The following TDG variants were observed in gnomAD, a reference collection of about 807,000 sequenced individuals.
TDG encodes the protein G/T mismatch-specific thymine DNA glycosylase.
TDG carries 23 observed loss-of-function variants against 46.1 expected under a neutral mutation model. The ratio of observed to expected loss-of-function variants is 0.50; its 90% CI spans 0.36 to 0.71. TDG has a LOEUF of 0.71. Ranked by LOEUF, TDG falls within the 30% of genes least tolerant of loss-of-function variation. TDG has a pLI of 0.00. For synonymous variants in TDG, 115 were observed against 161.3 expected (o/e 0.71, Z 2.18); for missense variants, 304 against 486.7 (o/e 0.62, Z 3.53).
At chr12:103,972,937 C>T (rs961225310) in intron 1 of TDG, 9 of 696,294 alleles carry the variant, frequency 1.3e-5, no homozygotes, top group Non-Finnish European at 2.1e-5. Context: ...TGAACGGTGT[C>T]TCCCTAATTT....
chr12:103,969,995 A>G (rs1395420775), intron 1 of TDG, among the ~76,000 whole-genome samples: 2 of 152,230 alleles, frequency 1.3e-5, no homozygotes, highest in Non-Finnish European at 2.9e-5. Context: ...GACTGTACAT[A>G]TGGTGAATAC....
intron 1 of TDG, chr12:103,967,799 T>C (rs1187323146): frequency 1.3e-5 from 2 of 149,134 alleles, no homozygotes; most frequent in Admixed American, 1.3e-4. Context: ...AAGAAGAAAA[T>C]TCAAATTCCA....
intron 1 of TDG, among the ~76,000 whole-genome samples, chr12:103,972,223 A>G (rs1440177634): frequency 6.6e-6 from 1 of 152,010 alleles, no homozygotes; most frequent in Non-Finnish European, 1.5e-5. Context: ...AGTTCAAGCA[A>G]TTCTCCTGCC....
intron 1 of TDG, chr12:103,973,130 G>C (rs1871358236): frequency 3.6e-6 from 2 of 554,650 alleles, no homozygotes; most frequent in Non-Finnish European, 6.4e-6. Context: ...TGTTGTCCAG[G>C]CTGGAGTGCA....
intron 1 of TDG, among the ~76,000 whole-genome samples, chr12:103,972,421 A>T (rs1180578731): frequency 6.6e-6 from 1 of 152,082 alleles, no homozygotes; most frequent in Non-Finnish European, 1.5e-5. Context: ...CCGGCCAGTT[A>T]TCCAGAACTG....
At chr12:103,974,843 G>A (rs1003082244) in intron 1 of TDG, among the ~76,000 whole-genome samples, 6 of 151,546 alleles carry the variant, frequency 4.0e-5, no homozygotes, top group African/African-American at 1.5e-4. Context: ...TGTGGTGGTG[G>A]GGGCGCCTGT....
rs1287938874 is a variant in TDG at position 103,987,464 on chromosome 12, C to T, written c.*374C>T. 6.0e-6 allele frequency: 1 copy of T among 165,772 alleles called. No individual in the cohort carries two copies. Among genetic ancestry groups the T allele is most frequent in the Non-Finnish European group, 1.3e-5 (1 of 75,440 alleles). 10.3% of individuals were successfully genotyped at this position (165,772 alleles called of 1,614,324 possible). On this transcript the variant is annotated 3_prime_UTR_variant, in exon 10 of 10. Transcript: ENST00000392872. ...AGATATACCATTATCCCTTTTATAC[C>T]TAAGAAGGGCATGCTAATAATTACC...
At chr12:103,976,050 T>C (rs990256317) in intron 1 of TDG, among the ~76,000 whole-genome samples, 1 of 137,912 alleles carries the variant, frequency 7.3e-6, no homozygotes, top group Non-Finnish European at 1.6e-5. Flanking sequence ...ATTCAAACCA[T>C]AGCAGTGGCA....
chr12:103,983,475 T>G (rs1871966145), intron 7 of TDG, 86 bp downstream of exon 7: 3 of 955,412 alleles, frequency 3.1e-6, no homozygotes, highest in Admixed American at 3.0e-5. Flanking sequence ...CCATTGTGAT[T>G]TATACCATGC....
At chr12:103,979,109 C>CTTTTTTTTTTTTTTTTT (rs372883902) in intron 2 of TDG, among the ~76,000 whole-genome samples, 1 of 123,602 alleles carries the variant, frequency 8.1e-6, no homozygotes, top group Non-Finnish European at 1.6e-5. Context: ...TTTTTTCTTT[C>CTTTTTTTTTTTTTTTTT]TTTTTTTTTT....
intron 8 of TDG, 122 bp from the exon 9 acceptor site, chr12:103,985,481 T>TA: frequency 1.7e-6 from 2 of 1,145,520 alleles, no homozygotes; most frequent in Non-Finnish European, 1.2e-6. Context: ...AAAAGATTAA[T>TA]AGAGATGTAT....
intron 8 of TDG, 85 bp downstream of exon 8, chr12:103,985,005 A>G: frequency 1.8e-6 from 2 of 1,112,622 alleles, no homozygotes; most frequent in South Asian, 2.2e-5. Context: ...ACATATACAT[A>G]TATACATATA....
At chr12:103,985,844 T>G in intron 9 of TDG, 116 bp downstream of exon 9, 2 of 1,185,212 alleles carry the variant, frequency 1.7e-6, no homozygotes, top group East Asian at 5.4e-5. Context: ...ATATGAAATT[T>G]TATTTAGTGA....
At chr12:103,981,442 T>G (rs938949525) in intron 4 of TDG, among the ~76,000 whole-genome samples, 5 of 151,890 alleles carry the variant, frequency 3.3e-5, no homozygotes, top group African/African-American at 4.8e-5. Flanking sequence ...TCCATGTTGG[T>G]CAGGCTGGTC....
intron 7 of TDG, among the ~76,000 whole-genome samples, chr12:103,984,253 T>C (rs2136242424): frequency 6.6e-6 from 1 of 152,312 alleles, no homozygotes; most frequent in South Asian, 2.1e-4. Flanking sequence ...CTACCTGTAG[T>C]GAATTGTAGA....
intron 1 of TDG, among the ~76,000 whole-genome samples, chr12:103,971,733 G>C (rs4135061): frequency 2.0e-5 from 3 of 152,050 alleles, no homozygotes; most frequent in African/African-American, 7.2e-5. Context: ...AAAAGTGAAC[G>C]AAGAGAAATA....
intron 1 of TDG, 138 bp downstream of exon 1, chr12:103,966,198 C>G (rs1001991023): frequency 1.7e-6 from 2 of 1,204,056 alleles, no homozygotes; most frequent in Non-Finnish European, 2.2e-6. Flanking sequence ...CGCACTGTGG[C>G]CTGGTCGGCC....
chr12:103,971,356 G>GT (rs4135057), intron 1 of TDG, among the ~76,000 whole-genome samples: 21 of 152,334 alleles, frequency 1.4e-4, no homozygotes, highest in African/African-American at 4.8e-4. Context: ...GAGGTCAGGA[G>GT]TTTGACACCA....
At chr12:103,969,728 A>G (rs755556365) in intron 1 of TDG, among the ~76,000 whole-genome samples, 5 of 152,172 alleles carry the variant, frequency 3.3e-5, no homozygotes, top group African/African-American at 4.8e-5. Context: ...GTTGATGGGA[A>G]ACTCAGTGTG....
Sources: allele counts gnomAD v4.1 joint callset (sites outside exome capture counted in the v4.1 genomes callset), GRCh38; gene constraint gnomAD v4.1.1; transcripts MANE v1.5; gene names NCBI Gene and HGNC (gene_info 2026-07-23, HGNC 2026-07-21).